Variants in FBXO11 observed in about 807,000 individuals in gnomAD.
The protein encoded by FBXO11 is F-box protein 11.
Under a neutral mutation model 117.0 loss-of-function variants are expected in FBXO11, and 13 were observed. The observed-to-expected ratio is 0.11, with a 90% CI of 0.07 to 0.18. The LOEUF is 0.18. Among genes scored for constraint, FBXO11 ranks in the 10% least tolerant of loss-of-function variants. FBXO11 has a pLI of 1.00. For synonymous variants in FBXO11, 490 were observed against 380.5 expected (o/e 1.29, Z -3.35); for missense variants, 767 against 1,164.4 (o/e 0.66, Z 4.97).
intron 11 of FBXO11, among the ~76,000 whole-genome samples, chr2:47,826,680 A>T (rs1166867427): frequency 6.6e-6 from 1 of 150,822 alleles, no homozygotes; most frequent in Non-Finnish European, 1.5e-5. Flanking sequence ...TTTGCTGCAC[A>T]ATTTTTTGGA....
chr2:47,813,305 T>C lies in FBXO11; in HGVS notation c.2156A>G (p.Asn719Ser), dbSNP rs1558404467. 1 of 1,612,100 alleles carries C rather than the reference T, an allele frequency of 6.2e-7. No individual in the cohort carries two copies. Among genetic ancestry groups the C allele is most frequent in the Non-Finnish European group, 8.5e-7 (1 of 1,178,254 alleles). Residue 719 changes from asparagine (N) to serine (S), a missense_variant, in exon 18 of 23, where the codon AAT becomes AGT. This residue lies in a region of FBXO11 where 42 missense variants were observed against 216.8 expected (regional missense o/e 0.19). Transcript: ENST00000403359. ...GATTTTATTTCTTCTTAGTGTAGGA[T>C]TACTATCTGTCTTAATCCAGACTCC... ...MAGVWIKTDSNPTLRRNKIHD... is the reference protein window; with the variant it reads ...MAGVWIKTDSSPTLRRNKIHD...
Position 47,808,337 on chromosome 2 carries a change from T to C in FBXO11, c.2646A>G (p.Arg882=). ...CHQGHDVEFI[R]HDRFFCDCGA... is the part of the protein sequence containing the mutation. ...GCAAGTGTGCTACATACCTATCATG[T>C]CTAATAAACTCTACATCATGTCCCT... The change falls in exon 22 of 23, where the codon AGA becomes AGG. Residue 882 remains arginine (R), a synonymous_variant. Transcript: ENST00000403359. The C allele has an allele frequency of 6.2e-7, 1 of 1,611,978 alleles. No individual in the cohort carries two copies. Among genetic ancestry groups the C allele is most frequent in the Non-Finnish European group, 8.5e-7 (1 of 1,178,942 alleles).
chr2:47,887,603 G>C (rs1487166004), intron 1 of FBXO11, among the ~76,000 whole-genome samples: 1 of 152,092 alleles, frequency 6.6e-6, no homozygotes, highest in African/African-American at 2.4e-5. Flanking sequence ...GCTCATGCTT[G>C]TAATCCCAGT....
rs914600148 is a variant in FBXO11, at chr2:47,897,718, A to G, written c.232+7771T>C. ...TCTTAAACCAAAAAAAAAAAAAAAA[A>G]AAAGGAAAAGAAAAAAGAAAAATTT... On this transcript the variant is annotated intron_variant, in intron 1 of 22. Transcript: ENST00000403359. 1.1e-4 allele frequency among the ~76,000 whole-genome samples: 17 copies of G among 151,658 alleles called. No homozygotes were observed. In the East Asian group the frequency reaches 1.5e-3, roughly 14 times the overall value.
At chr2:47,880,400 A>T (rs937196238) in intron 1 of FBXO11, among the ~76,000 whole-genome samples, 4 of 152,150 alleles carry the variant, frequency 2.6e-5, no homozygotes, top group African/African-American at 9.7e-5. Context: ...TATTTTATTC[A>T]TTGATCTGTT....
intron 1 of FBXO11, among the ~76,000 whole-genome samples, chr2:47,864,358 C>G (rs918183454): frequency 6.6e-6 from 1 of 152,164 alleles, no homozygotes; most frequent in Non-Finnish European, 1.5e-5. Flanking sequence ...GAGGCCAGGG[C>G]AGGCAGATCA....
chr2:47,876,426 T>C (rs770727751), intron 1 of FBXO11, among the ~76,000 whole-genome samples: 1 of 152,238 alleles, frequency 6.6e-6, no homozygotes, highest in Non-Finnish European at 1.5e-5. Flanking sequence ...AATCTTTGGT[T>C]CTCCCATCAA....
At chr2:47,880,158 G>A (rs965297273) in intron 1 of FBXO11, among the ~76,000 whole-genome samples, 1 of 152,064 alleles carries the variant, frequency 6.6e-6, no homozygotes, top group Non-Finnish European at 1.5e-5. Flanking sequence ...ATCATGTCCA[G>A]CTAATTTTTT....
intron 1 of FBXO11, among the ~76,000 whole-genome samples, chr2:47,846,241 G>A (rs1210309951): frequency 6.6e-6 from 1 of 152,142 alleles, no homozygotes; most frequent in Non-Finnish European, 1.5e-5. Context: ...GCCCAGGCGG[G>A]CAGATCATCT....
chr2:47,855,711 A>T (rs1045835364), intron 1 of FBXO11, among the ~76,000 whole-genome samples: 1 of 152,106 alleles, frequency 6.6e-6, no homozygotes, highest in Non-Finnish European at 1.5e-5. Context: ...GCATGCCTAT[A>T]ATCACAGCTA....
At chr2:47,812,549 T>A (rs1670696214) in intron 18 of FBXO11, among the ~76,000 whole-genome samples, 1 of 152,248 alleles carries the variant, frequency 6.6e-6, no homozygotes, top group Non-Finnish European at 1.5e-5. Context: ...GGAGAGTCTG[T>A]CAATGGAATC....
At chr2:47,839,370 A>G (rs770867838) in intron 3 of FBXO11, 49 bp downstream of exon 3, 3 of 1,540,162 alleles carry the variant, frequency 1.9e-6, no homozygotes, top group South Asian at 1.2e-5. Flanking sequence ...ATCAAGCAAA[A>G]TTAAAAAAAA....
In FBXO11 at chr2:47,819,305, C is replaced by T. The variant is rs147736526; in HGVS notation, c.1798-227G>A. The stretch of plus-strand genomic sequence containing the variant: ...GATCTTGGCTCACCACAACCTTCGC[C>T]TCCCATGTTCAAGCAATTCTCTGCC... On this transcript the variant is annotated intron_variant, in intron 14 of 22. Transcript: ENST00000403359. Among the ~76,000 whole-genome samples the T allele has an allele frequency of 1.4e-4, 21 of 152,300 alleles. No individual in the cohort carries two copies. The East Asian group carries it at 4.0e-3, about 29-fold the overall frequency.
chr2:47,831,479 T>A (rs1451802745), intron 11 of FBXO11, among the ~76,000 whole-genome samples: 1 of 144,974 alleles, frequency 6.9e-6, no homozygotes, highest in Admixed American at 6.9e-5. Context: ...TTTCTTTGTA[T>A]AGATGAATCC....
chr2:47,830,210 G>A (rs1672078485), intron 11 of FBXO11, among the ~76,000 whole-genome samples: 1 of 151,858 alleles, frequency 6.6e-6, no homozygotes, highest in African/African-American at 2.4e-5. Context: ...AAAGAAGAAA[G>A]AAAAAAACCC....
chr2:47,861,056 G>T lies in FBXO11; in HGVS notation c.233-21287C>A, dbSNP rs185176102. On this transcript the variant is annotated intron_variant, in intron 1 of 22. Transcript: ENST00000403359. ...GTAGAGATGGGGTTTCTCCATGTTG[G>T]TTAGGCTGGTTTCGAACTCCCAACC... 1.7e-4 allele frequency among the ~76,000 whole-genome samples: 25 copies of T among 151,156 alleles called. 1 individual carries two copies. Among genetic ancestry groups the T allele is most frequent in the African/African-American group, 5.8e-4 (24 of 41,212 alleles).
At chr2:47,816,058 T>C (rs553738113) in intron 16 of FBXO11, among the ~76,000 whole-genome samples, 1 of 152,332 alleles carries the variant, frequency 6.6e-6, no homozygotes, top group South Asian at 2.1e-4. Flanking sequence ...GCCTGCCCCA[T>C]GGCCAAGGGC....
Position 47,906,438 on chromosome 2 carries a change from G to T in FBXO11, c.-718C>A, listed in dbSNP as rs991865053. Among the ~76,000 whole-genome samples the T allele has an allele frequency of 6.6e-6, 1 of 152,224 alleles. No homozygotes were observed. Among genetic ancestry groups the T allele is most frequent in the African/African-American group, 2.4e-5 (1 of 41,542 alleles). ...CCTCCTCGTCAGCCCTGTCGCCGCT[G>T]CTTCTGCTGCTGCTCCGTGGCAGGA... On this transcript the variant is annotated 5_prime_UTR_variant, in exon 1 of 23. Transcript: ENST00000403359.
intron 11 of FBXO11, among the ~76,000 whole-genome samples, chr2:47,831,248 T>G (rs1672162005): frequency 6.6e-6 from 1 of 150,978 alleles, no homozygotes; most frequent in African/African-American, 2.4e-5. Flanking sequence ...GAAACCCTGT[T>G]TCTACTAAAA....
Sources: allele counts gnomAD v4.1 joint callset (sites outside exome capture counted in the v4.1 genomes callset), GRCh38; gene constraint gnomAD v4.1.1; regional missense constraint gnomAD v4.1.1; transcripts MANE v1.5; gene names NCBI Gene and HGNC (gene_info 2026-07-23, HGNC 2026-07-21).